ARID3B: variants seen among roughly 807,000 people sequenced by gnomAD.
ARID3B encodes the protein AT-rich interaction domain 3B.
ARID3B carries 10 observed loss-of-function variants against 51.9 expected under a neutral mutation model. That is an observed-to-expected ratio of 0.19 (90% CI 0.12 to 0.33). The LOEUF is 0.33. Ranked by LOEUF, ARID3B falls within the 10% of genes least tolerant of loss-of-function variation. The probability of loss-of-function intolerance (pLI) is 1.00; values close to 1 mark genes in which losing one functional copy is unlikely to be tolerated. For synonymous variants in ARID3B, 205 were observed against 279.5 expected (o/e 0.73, Z 2.66); for missense variants, 483 against 716.3 (o/e 0.67, Z 3.72).
At chr15:74,588,961 A>C (rs1034776412) in intron 4 of ARID3B, among the ~76,000 whole-genome samples, 1 of 151,394 alleles carries the variant, frequency 6.6e-6, no homozygotes, top group Non-Finnish European at 1.5e-5. Context: ...CGAGAGAGAA[A>C]TAAACCATTT....
chr15:74,565,736 T>TG (rs1567120123), intron 2 of ARID3B, among the ~76,000 whole-genome samples: 1 of 147,222 alleles, frequency 6.8e-6, no homozygotes, highest in East Asian at 2.0e-4. Flanking sequence ...TTTTTTTTGT[T>TG]TTTTTTTTTT....
intron 2 of ARID3B, among the ~76,000 whole-genome samples, chr15:74,561,294 A>C (rs1397627104): frequency 6.6e-6 from 1 of 152,202 alleles, no homozygotes; most frequent in East Asian, 1.9e-4. Flanking sequence ...AATGAATGAG[A>C]AGGATGAATA....
At chr15:74,561,524 C>T (rs1482196406) in intron 2 of ARID3B, among the ~76,000 whole-genome samples, 2 of 152,148 alleles carry the variant, frequency 1.3e-5, no homozygotes, top group Non-Finnish European at 2.9e-5. Context: ...CAGGAGGAGA[C>T]TAAGAAAGTG....
chr15:74,577,504 C>T (rs1189335266), intron 4 of ARID3B, among the ~76,000 whole-genome samples: 2 of 151,736 alleles, frequency 1.3e-5, no homozygotes, highest in Non-Finnish European at 2.9e-5. Context: ...GAGCAGATTG[C>T]ACTTTTATTT....
At chr15:74,577,920 C>T (rs778187073) in intron 4 of ARID3B, among the ~76,000 whole-genome samples, 7 of 152,178 alleles carry the variant, frequency 4.6e-5, no homozygotes, top group Non-Finnish European at 8.8e-5. Context: ...GTTCAGTGGT[C>T]GATCTCAGCT....
intron 2 of ARID3B, among the ~76,000 whole-genome samples, chr15:74,556,039 G>A (rs996064089): frequency 5.9e-5 from 9 of 152,012 alleles, no homozygotes; most frequent in Middle Eastern, 6.8e-3. Flanking sequence ...TGATCCGCCC[G>A]CCTCAGCCTC....
intron 4 of ARID3B, among the ~76,000 whole-genome samples, chr15:74,582,515 C>T (rs1596262210): frequency 6.6e-6 from 1 of 152,038 alleles, no homozygotes; most frequent in Admixed American, 6.6e-5. Flanking sequence ...TTACATTTAC[C>T]GTTGAACTTC....
chr15:74,574,968 C>T (rs1479687766), intron 4 of ARID3B: 2 of 149,708 alleles, frequency 1.3e-5, no homozygotes, highest in Admixed American at 1.3e-4. Flanking sequence ...CACCACTGCC[C>T]TCCATCCTGG....
At chr15:74,573,361 T>C (rs1338772990) in intron 4 of ARID3B, 157 bp downstream of exon 4, 1 of 757,248 alleles carries the variant, frequency 1.3e-6, no homozygotes, top group African/African-American at 1.7e-5. Flanking sequence ...AATTAACCGA[T>C]AGCCAGATTG....
chr15:74,596,425 G>A lies in ARID3B; in HGVS notation c.*651G>A, dbSNP rs563320636. On this transcript the variant is annotated 3_prime_UTR_variant, in exon 9 of 9. Transcript: ENST00000346246. ...GCAGTTCAGGGCCAGGGCCCACAGGGCATCTGCTGATGGGAAGGCAGAGCC... is the reference window on the plus strand; with the variant it reads ...GCAGTTCAGGGCCAGGGCCCACAGGACATCTGCTGATGGGAAGGCAGAGCC... The A allele has an allele frequency of 4.7e-5, 11 of 233,552 alleles. No homozygotes were observed. Among genetic ancestry groups the A allele is most frequent in the East Asian group, 2.4e-4 (4 of 16,572 alleles). 14.5% of individuals were successfully genotyped at this position (233,552 alleles called of 1,614,324 possible). A position where few individuals can be genotyped will look rare whatever the true frequency, so the allele number is the denominator to read the frequency against.
In ARID3B at chr15:74,595,682, G is replaced by A. The variant is rs761378160; in HGVS notation, c.1591G>A (p.Ala531Thr). The change falls in exon 9 of 9, where the codon GCC becomes ACC. Residue 531 changes from alanine to threonine, a missense_variant. Coordinates refer to ENST00000346246, the MANE Select transcript of ARID3B (RefSeq NM_006465.4). ...GSAPQSLGSS[A>T]SSSSSSHCSP... ...TGCTCCCCAGAGCCTCGGCAGCAGC[G>A]CCAGCAGCAGCAGCAGCTCTCACTG... 2.8e-5 allele frequency: 45 copies of A among 1,613,096 alleles called. 1 individual carries two copies. The South Asian group carries it at 3.3e-4, about 12-fold the overall frequency.
At chr15:74,552,571 T>A (rs2061642171) in intron 2 of ARID3B, among the ~76,000 whole-genome samples, 1 of 151,700 alleles carries the variant, frequency 6.6e-6, no homozygotes, top group Admixed American at 6.6e-5. Context: ...TTCACTGTCC[T>A]AAAAATTCTC....
intron 4 of ARID3B, chr15:74,574,558 C>G (rs916594834): frequency 6.6e-6 from 1 of 152,150 alleles, no homozygotes; most frequent in African/African-American, 2.4e-5. Context: ...TTGGTGTAGC[C>G]TGCCTGTTAC....
At chr15:74,560,786 T>C (rs556523129) in intron 2 of ARID3B, among the ~76,000 whole-genome samples, 1 of 152,308 alleles carries the variant, frequency 6.6e-6, no homozygotes, top group Admixed American at 6.5e-5. Context: ...GTGTGTAGTA[T>C]GTGTAACCCT....
chr15:74,587,929 AC>A (rs778121985), intron 4 of ARID3B, among the ~76,000 whole-genome samples: 4 of 151,958 alleles, frequency 2.6e-5, no homozygotes, highest in Non-Finnish European at 5.9e-5. Flanking sequence ...AAGGTCACTA[AC>A]CCCCTCCCCA....
chr15:74,562,867 C>A (rs1476933370), intron 2 of ARID3B, among the ~76,000 whole-genome samples: 2 of 152,166 alleles, frequency 1.3e-5, no homozygotes, highest in African/African-American at 2.4e-5. Flanking sequence ...ATCATGGGCC[C>A]CTTTTTTAAA....
chr15:74,549,350 C>T (rs1484607164), intron 2 of ARID3B, among the ~76,000 whole-genome samples: 3 of 152,160 alleles, frequency 2.0e-5, no homozygotes, highest in South Asian at 2.1e-4. Context: ...GCTGGGATTA[C>T]AGGCGTGAGC....
At chr15:74,581,200 G>A (rs1398719990) in intron 4 of ARID3B, among the ~76,000 whole-genome samples, 2 of 152,236 alleles carry the variant, frequency 1.3e-5, no homozygotes, top group East Asian at 3.8e-4. Context: ...CTTCAAGGCT[G>A]CAAACTGACC....
intron 4 of ARID3B, among the ~76,000 whole-genome samples, chr15:74,582,207 G>A (rs1233787142): frequency 1.3e-5 from 2 of 150,148 alleles, no homozygotes; most frequent in African/African-American, 4.9e-5. Context: ...TCACTCTGTC[G>A]CCCAGGCTGG....
Sources: gnomAD v4.1 joint callset for allele counts (sites outside exome capture counted in the v4.1 genomes callset) on GRCh38, gnomAD v4.1.1 for gene constraint, MANE v1.5 for transcripts, NCBI Gene and HGNC (gene_info 2026-07-23, HGNC 2026-07-21) for gene names.